The following EFCAB5 variants were observed in gnomAD, a reference collection of about 807,000 sequenced individuals.
The protein encoded by EFCAB5 is EF-hand calcium-binding domain-containing protein 5.
In EFCAB5, 131 loss-of-function variants were observed where a neutral mutation model predicts 167.9. The ratio of observed to expected loss-of-function variants is 0.78; its 90% CI spans 0.68 to 0.90. The LOEUF (loss-of-function observed/expected upper bound fraction) is 0.90. Among genes scored for constraint, EFCAB5 ranks in the 40% least tolerant of loss-of-function variants. EFCAB5 has a pLI of 0.00. For missense variants in EFCAB5, 1,663 were observed against 1,745.2 expected (o/e 0.95, Z 0.84); for synonymous variants, 574 against 602.8 (o/e 0.95, Z 0.70).
chr17:29,994,531 C>T (rs903237774), intron 5 of EFCAB5, among the ~76,000 whole-genome samples: 3 of 151,972 alleles, frequency 2.0e-5, no homozygotes, highest in African/African-American at 4.8e-5. Flanking sequence ...TTTATATACC[C>T]TTAAGTATTC....
intron 7 of EFCAB5, among the ~76,000 whole-genome samples, chr17:30,007,200 T>C (rs192160175): frequency 2.5e-4 from 38 of 152,260 alleles, no homozygotes; most frequent in Admixed American, 3.3e-4. Context: ...CAAGATTTAT[T>C]AGGGGAAGAA....
At chr17:29,957,972 A>G (rs561057355) in intron 3 of EFCAB5, among the ~76,000 whole-genome samples, 10 of 152,234 alleles carry the variant, frequency 6.6e-5, no homozygotes, top group African/African-American at 2.2e-4. Flanking sequence ...AAGTGTTCCT[A>G]TTTCTCCACA....
At position 29,969,079 on chromosome 17, in the gene EFCAB5, G is replaced by T; in HGVS notation, c.479G>T (p.Trp160Leu). Residue 160 changes from tryptophan (W) to leucine (L), a missense_variant, in exon 4 of 23, where the codon TGG becomes TTG. Transcript: ENST00000394835. ...CCTAGGGATAATTTGGCCAAAGAGT[G>T]GTTTAATACTGACAGCATGACACTG... is the stretch of plus-strand genomic sequence containing the variant. ...KLPRDNLAKE[W>L]FNTDSMTLNN... The T allele has an allele frequency of 6.2e-7, 1 of 1,613,156 alleles. No homozygotes were observed. Among genetic ancestry groups the T allele is most frequent in the Non-Finnish European group, 8.5e-7 (1 of 1,179,582 alleles).
chr17:29,973,513 T>C (rs2068001279), intron 4 of EFCAB5, among the ~76,000 whole-genome samples: 1 of 147,038 alleles, frequency 6.8e-6, no homozygotes, highest in African/African-American at 2.5e-5. Context: ...AGAGACTTGC[T>C]CTGTCACCCA....
At chr17:30,050,595 AATTTTT>A (rs1392914300) in intron 8 of EFCAB5, among the ~76,000 whole-genome samples, 4 of 152,118 alleles carry the variant, frequency 2.6e-5, no homozygotes, top group Admixed American at 2.0e-4. Context: ...ATGCCTGGCT[AATTTTT>A]TATTTTTTGA....
chr17:29,985,482 G>T (rs2068262006), intron 4 of EFCAB5, among the ~76,000 whole-genome samples: 1 of 152,176 alleles, frequency 6.6e-6, no homozygotes, highest in Admixed American at 6.5e-5. Context: ...AGTGTGGAGT[G>T]GGAAATAAGG....
intron 6 of EFCAB5, 40 bp downstream of exon 6, chr17:29,996,400 C>CT: frequency 2.0e-6 from 3 of 1,483,262 alleles, no homozygotes; most frequent in Admixed American, 2.1e-5. Flanking sequence ...ATTTTTATTT[C>CT]TTTTTTGGGT....
intron 3 of EFCAB5, among the ~76,000 whole-genome samples, chr17:29,959,501 TG>T (rs1218437556): frequency 1.3e-5 from 2 of 152,130 alleles, no homozygotes; most frequent in Non-Finnish European, 2.9e-5. Flanking sequence ...GAGTACTGCC[TG>T]GCTACCACTG....
At chr17:30,084,624 G>A (rs1186736873) in intron 18 of EFCAB5, among the ~76,000 whole-genome samples, 1 of 152,138 alleles carries the variant, frequency 6.6e-6, no homozygotes, top group Non-Finnish European at 1.5e-5. Flanking sequence ...AGAACAGCCT[G>A]TCTAAGCTCT....
chr17:30,032,859 A>C (rs564598351), intron 7 of EFCAB5, among the ~76,000 whole-genome samples: 90 of 151,056 alleles, frequency 6.0e-4, no homozygotes, highest in African/African-American at 2.1e-3. Flanking sequence ...GTAGAGGTAA[A>C]ATTTTGCCTC....
At chr17:29,971,822 C>A (rs550285955) in intron 4 of EFCAB5, among the ~76,000 whole-genome samples, 1 of 152,138 alleles carries the variant, frequency 6.6e-6, no homozygotes, top group Non-Finnish European at 1.5e-5. Context: ...CGGTATATAT[C>A]TATCTACCTA....
intron 8 of EFCAB5, among the ~76,000 whole-genome samples, chr17:30,044,003 A>G (rs2069847956): frequency 6.6e-6 from 1 of 152,196 alleles, no homozygotes; most frequent in African/African-American, 2.4e-5. Flanking sequence ...AATGACAGCT[A>G]TAGACTGGGA....
Position 30,108,195 on chromosome 17 carries a change from T to A in EFCAB5, c.*171T>A. Reference sequence around the variant, plus strand: ...CCAAAAGTGCTACCTAAGAAGAAATTTAGCCAAAAAATACCCAGCTAAGGT... The same window carrying A: ...CCAAAAGTGCTACCTAAGAAGAAATATAGCCAAAAAATACCCAGCTAAGGT... On this transcript the variant is annotated 3_prime_UTR_variant, in exon 23 of 23. Transcript: ENST00000394835. The A allele has an allele frequency of 1.5e-6, 1 of 683,902 alleles. No homozygotes were observed. Among genetic ancestry groups the A allele is most frequent in the African/African-American group, 1.9e-5 (1 of 52,872 alleles). The allele number at this position is 683,902 out of a possible 1,614,324, so 42.4% of individuals were successfully genotyped here. A position where few individuals can be genotyped will look rare whatever the true frequency, so the allele number is the denominator to read the frequency against.
intron 18 of EFCAB5, among the ~76,000 whole-genome samples, chr17:30,083,392 A>G (rs1332545156): frequency 6.6e-6 from 1 of 152,202 alleles, no homozygotes; most frequent in South Asian, 2.1e-4. Flanking sequence ...CCAGCTAAAG[A>G]TGGGCTTTTT....
chr17:29,933,605 C>G (rs946768256), intron 1 of EFCAB5, among the ~76,000 whole-genome samples: 1 of 152,154 alleles, frequency 6.6e-6, no homozygotes, highest in Non-Finnish European at 1.5e-5. Flanking sequence ...TTCACTCTTC[C>G]CACCTGCGAT....
intron 15 of EFCAB5, among the ~76,000 whole-genome samples, chr17:30,079,736 A>G (rs915156685): frequency 6.6e-6 from 1 of 152,218 alleles, no homozygotes; most frequent in African/African-American, 2.4e-5. Flanking sequence ...AACACTTTCA[A>G]TAGAAACACA....
intron 3 of EFCAB5, among the ~76,000 whole-genome samples, chr17:29,957,036 G>A (rs2067629694): frequency 6.6e-6 from 1 of 152,106 alleles, no homozygotes; most frequent in Non-Finnish European, 1.5e-5. Flanking sequence ...CCAGATTTTA[G>A]AGGAAAAGCT....
At chr17:30,004,492 C>A (rs780859086) in intron 7 of EFCAB5, among the ~76,000 whole-genome samples, 5 of 152,150 alleles carry the variant, frequency 3.3e-5, no homozygotes, top group Non-Finnish European at 7.4e-5. Flanking sequence ...TGTTGTGGAA[C>A]CTCAGTCTGA....
intron 14 of EFCAB5, 33 bp from the exon 15 acceptor site, chr17:30,078,182 G>C: frequency 6.4e-7 from 1 of 1,570,852 alleles, no homozygotes; most frequent in Non-Finnish European, 8.6e-7. Context: ...TGAACTTTTG[G>C]TTAGTTCTTG....
Sources: gnomAD v4.1 joint callset for allele counts (sites outside exome capture counted in the v4.1 genomes callset) on GRCh38, gnomAD v4.1.1 for gene constraint, MANE v1.5 for transcripts, NCBI Gene and HGNC (gene_info 2026-07-23, HGNC 2026-07-21) for gene names.